WFDC9: variants seen among roughly 807,000 people sequenced by gnomAD.
The protein encoded by WFDC9 is WAP four-disulfide core domain 9.
WFDC9 carries 9 observed loss-of-function variants against 9.5 expected under a neutral mutation model. That is an observed-to-expected ratio of 0.95 (90% CI 0.57 to 1.65). The LOEUF (loss-of-function observed/expected upper bound fraction) is 1.65. Ranked by LOEUF, WFDC9 falls within the 40% of genes most tolerant of loss-of-function variation. The probability of loss-of-function intolerance (pLI) is 0.00; values close to 1 mark genes in which losing one functional copy is unlikely to be tolerated. For synonymous variants in WFDC9, 33 were observed against 32.3 expected (o/e 1.02, Z -0.07); for missense variants, 87 against 106.7 (o/e 0.82, Z 0.81).
intron 1 of WFDC9, among the ~76,000 whole-genome samples, chr20:45,627,080 T>C (rs1234086517): frequency 6.6e-6 from 1 of 152,232 alleles, no homozygotes; most frequent in African/African-American, 2.4e-5. Context: ...GATTACCGTA[T>C]GGTTTTGTCC....
intron 1 of WFDC9, among the ~76,000 whole-genome samples, chr20:45,622,817 T>C (rs1293961646): frequency 6.6e-6 from 1 of 152,212 alleles, no homozygotes; most frequent in Non-Finnish European, 1.5e-5. Context: ...TATCAGTCAT[T>C]CAGTGTGAGT....
intron 1 of WFDC9, among the ~76,000 whole-genome samples, chr20:45,621,517 A>G (rs1051066267): frequency 2.0e-5 from 3 of 152,180 alleles, no homozygotes; most frequent in African/African-American, 7.2e-5. Flanking sequence ...GAAAGTTCCC[A>G]TTGTTCTCAG....
intron 1 of WFDC9, 64 bp from the exon 2 acceptor site, chr20:45,614,785 T>C (rs556801113): frequency 6.6e-6 from 1 of 152,322 alleles, no homozygotes; most frequent in South Asian, 2.1e-4. Flanking sequence ...ATTTTGGTTG[T>C]GACCGATTTT....
chr20:45,620,992 T>C (rs906233726), intron 1 of WFDC9, among the ~76,000 whole-genome samples: 2 of 152,192 alleles, frequency 1.3e-5, no homozygotes, highest in African/African-American at 4.8e-5. Flanking sequence ...GAAAACAATC[T>C]TATGTTAGGG....
At chr20:45,618,283 A>G (rs2145598482) in intron 1 of WFDC9, among the ~76,000 whole-genome samples, 1 of 152,238 alleles carries the variant, frequency 6.6e-6, no homozygotes, top group East Asian at 1.9e-4. Flanking sequence ...GGCTGGTTTG[A>G]TCTTCTGTCT....
intron 1 of WFDC9, among the ~76,000 whole-genome samples, chr20:45,627,077 G>T (rs569721694): frequency 6.6e-6 from 1 of 152,076 alleles, no homozygotes; most frequent in Admixed American, 6.5e-5. Context: ...TGAGATTACC[G>T]TATGGTTTTG....
At chr20:45,622,316 A>G (rs1019782241) in intron 1 of WFDC9, among the ~76,000 whole-genome samples, 1 of 152,160 alleles carries the variant, frequency 6.6e-6, no homozygotes, top group African/African-American at 2.4e-5. Context: ...TGATGTTCCT[A>G]CATTTTATAA....
At chr20:45,629,167 C>G (rs908304446) in intron 1 of WFDC9, among the ~76,000 whole-genome samples, 7 of 152,132 alleles carry the variant, frequency 4.6e-5, no homozygotes, top group Admixed American at 1.3e-4. Context: ...ATATATGAAA[C>G]AGCTACTTAC....
intron 1 of WFDC9, among the ~76,000 whole-genome samples, chr20:45,617,302 A>G (rs190454703): frequency 6.6e-6 from 1 of 152,140 alleles, no homozygotes. Flanking sequence ...TAAAAATACA[A>G]AAATTAGCCT....
intron 1 of WFDC9, among the ~76,000 whole-genome samples, chr20:45,615,303 G>A (rs1981948366): frequency 6.6e-6 from 1 of 152,126 alleles, no homozygotes; most frequent in African/African-American, 2.4e-5. Context: ...GTCAGGGAAG[G>A]GCATTATATT....
At chr20:45,619,574 T>A (rs1381175596) in intron 1 of WFDC9, among the ~76,000 whole-genome samples, 1 of 149,528 alleles carries the variant, frequency 6.7e-6, no homozygotes, top group Non-Finnish European at 1.5e-5. Flanking sequence ...GAGATCTACA[T>A]TAAGAAACAA....
chr20:45,616,373 G>A (rs1315177708), intron 1 of WFDC9, among the ~76,000 whole-genome samples: 1 of 152,058 alleles, frequency 6.6e-6, no homozygotes, highest in Non-Finnish European at 1.5e-5. Context: ...AGATCTTCAG[G>A]CTGCACTTCT....
At chr20:45,628,427 C>T (rs1343522474) in intron 1 of WFDC9, among the ~76,000 whole-genome samples, 1 of 152,188 alleles carries the variant, frequency 6.6e-6, no homozygotes, top group Non-Finnish European at 1.5e-5. Context: ...AAAATATTTA[C>T]ATTGTGGCAC....
chr20:45,621,445 A>G (rs957989436), intron 1 of WFDC9, among the ~76,000 whole-genome samples: 3 of 152,232 alleles, frequency 2.0e-5, no homozygotes, highest in African/African-American at 7.2e-5. Context: ...TGCAGTTGCT[A>G]TCTTTAAAAG....
chr20:45,609,542 A>G (rs1035614159), intron 3 of WFDC9, among the ~76,000 whole-genome samples: 1 of 151,968 alleles, frequency 6.6e-6, no homozygotes, highest in African/African-American at 2.4e-5. Flanking sequence ...GATGCCACCT[A>G]AGAAGTCAGT....
Position 45,608,149 on chromosome 20 carries a change from GAA to G in WFDC9, c.240-11_240-10del. The G allele has an allele frequency of 6.2e-7, 1 of 1,610,270 alleles. No individual in the cohort carries two copies. The highest frequency in any genetic ancestry group is 1.3e-5 in the African/African-American group (1 of 74,776). Reference sequence around the variant, plus strand: ...TTGATTTAAGGGGCTCTCTAGAAGAGAAAAGTTAGTCAAAAGTCAAGAATCCT... The same window carrying G: ...TTGATTTAAGGGGCTCTCTAGAAGAGAAGTTAGTCAAAAGTCAAGAATCCT... On this transcript the variant is annotated splice_polypyrimidine_tract_variant and intron_variant, in intron 4 of 4. Coordinates refer to ENST00000326000, the MANE Select transcript of WFDC9 (RefSeq NM_147198.4).
intron 3 of WFDC9, among the ~76,000 whole-genome samples, chr20:45,609,266 T>C (rs3092639): frequency 0.58 from 87,765 of 150,590 alleles, 26,603 homozygotes; most frequent in East Asian, 0.98. Context: ...TGCAACGGCA[T>C]GATCTCAGCT....
chr20:45,619,207 C>T (rs377195806), intron 1 of WFDC9, among the ~76,000 whole-genome samples: 5 of 152,232 alleles, frequency 3.3e-5, no homozygotes, highest in Admixed American at 6.5e-5. Flanking sequence ...CCATGCATGA[C>T]GATCATAGTC....
At chr20:45,629,146 T>C (rs985554986) in intron 1 of WFDC9, among the ~76,000 whole-genome samples, 1 of 152,176 alleles carries the variant, frequency 6.6e-6, no homozygotes, top group African/African-American at 2.4e-5. Context: ...TGTATGTGTT[T>C]ATATACATTT....
Sources: gnomAD v4.1 joint callset for allele counts (sites outside exome capture counted in the v4.1 genomes callset) on GRCh38, gnomAD v4.1.1 for gene constraint, MANE v1.5 for transcripts, NCBI Gene and HGNC (gene_info 2026-07-23, HGNC 2026-07-21) for gene names.